Variants in MAP3K5 observed in about 807,000 individuals in gnomAD.
MAP3K5 encodes mitogen-activated protein kinase kinase kinase 5, also known as ASK-1.
A neutral mutation model predicts 158.7 loss-of-function variants in MAP3K5; 56 were observed. The ratio of observed to expected loss-of-function variants is 0.35; its 90% CI spans 0.28 to 0.44. The LOEUF (loss-of-function observed/expected upper bound fraction) is 0.44, where lower values mean the gene tolerates loss of function less well. Among genes scored for constraint, MAP3K5 ranks in the 20% least tolerant of loss-of-function variants. MAP3K5 has a pLI of 1.00. For missense variants in MAP3K5, 1,294 were observed against 1,674.8 expected, an observed-to-expected ratio of 0.77 and a Z score of 3.97; for synonymous variants, 579 against 601.7, an observed-to-expected ratio of 0.96 and a Z score of 0.55.
In MAP3K5 at chr6:136,601,807, A is replaced by G. The variant is rs749604291; in HGVS notation, c.2852T>C (p.Leu951Pro). 2 of 1,613,892 alleles carry G rather than the reference A, an allele frequency of 1.2e-6. No homozygotes were observed. The highest frequency in any genetic ancestry group is 2.2e-5 in the South Asian group (2 of 91,076). ...TCTTCAATGCAACCACATACCTGAAAGCTTAGGTTGTGTCTTTTTCTTTTT... is the reference window on the plus strand; with the variant it reads ...TCTTCAATGCAACCACATACCTGAAGGCTTAGGTTGTGTCTTTTTCTTTTT... Reference protein sequence around the residue: ...SSKKKKTQPKLSALSAGSNEY... With the variant: ...SSKKKKTQPKPSALSAGSNEY... Residue 951 changes from leucine to proline, a missense_variant, in exon 20 of 30, where the codon CTT becomes CCT. By Grantham distance (98) the Leu-to-Pro change is moderately conservative. This residue lies in a region of MAP3K5 where 362 missense variants were observed against 463.2 expected (regional missense o/e 0.78). Coordinates refer to ENST00000359015, the MANE Select transcript of MAP3K5 (RefSeq NM_005923.4).
chr6:136,607,611 G>GT (rs928691897), intron 18 of MAP3K5, among the ~76,000 whole-genome samples: 1 of 152,126 alleles, frequency 6.6e-6, no homozygotes, highest in South Asian at 2.1e-4. Flanking sequence ...GCATTCTAAA[G>GT]TTTTTTTAAA....
Position 136,637,385 on chromosome 6 carries a change from G to C in MAP3K5, c.1956C>G (p.Thr652=), listed in dbSNP as rs1202473333. 1.9e-6 allele frequency: 3 copies of C among 1,608,498 alleles called. No homozygotes were observed. Among genetic ancestry groups the C allele is most frequent in the Non-Finnish European group, 2.6e-6 (3 of 1,175,098 alleles). ...HCKKFFEMVN[T]ITEEKGRSTE... Reference sequence around the variant, plus strand: ...TGCTTCTCCCCTTCTCTTCGGTAATGGTGTTCACCATCTCAAAAAACCTAC... The same window carrying C: ...TGCTTCTCCCCTTCTCTTCGGTAATCGTGTTCACCATCTCAAAAAACCTAC... The change falls in exon 14 of 30, where the codon ACC becomes ACG. Residue 652 remains threonine (T), a synonymous_variant. Transcript: ENST00000359015.
At chr6:136,725,837 A>T (rs985323086) in intron 1 of MAP3K5, among the ~76,000 whole-genome samples, 5 of 152,198 alleles carry the variant, frequency 3.3e-5, no homozygotes, top group African/African-American at 1.2e-4. Flanking sequence ...TGTTAAATTT[A>T]AGTCTATGAA....
At chr6:136,639,896 A>C (rs1263756946) in intron 12 of MAP3K5, among the ~76,000 whole-genome samples, 2 of 152,182 alleles carry the variant, frequency 1.3e-5, no homozygotes, top group African/African-American at 4.8e-5. Context: ...TAAACTACAC[A>C]TCCTTTCAAC....
chr6:136,755,435 A>T (rs1176190185), intron 1 of MAP3K5, among the ~76,000 whole-genome samples: 1 of 152,222 alleles, frequency 6.6e-6, no homozygotes, highest in Non-Finnish European at 1.5e-5. Context: ...GCCATGGTGC[A>T]GTGGCTCATG....
intron 10 of MAP3K5, 193 bp downstream of exon 10, chr6:136,656,114 C>G: frequency 1.8e-6 from 1 of 548,588 alleles, no homozygotes; most frequent in Non-Finnish European, 3.2e-6. Context: ...AAAAATAGAT[C>G]TCATTTCTCT....
intron 21 of MAP3K5, among the ~76,000 whole-genome samples, chr6:136,600,469 T>C (rs575436152): frequency 1.3e-5 from 2 of 152,184 alleles, no homozygotes; most frequent in Admixed American, 1.3e-4. Context: ...GCTAAGACTA[T>C]AGGCGTGAAC....
intron 1 of MAP3K5, among the ~76,000 whole-genome samples, chr6:136,768,200 A>C (rs576731721): frequency 6.6e-6 from 1 of 152,380 alleles, no homozygotes; most frequent in Non-Finnish European, 1.5e-5. Context: ...GAAAAAACAG[A>C]TAAATACGGA....
At chr6:136,567,210 T>C (rs1774149181) in intron 26 of MAP3K5, among the ~76,000 whole-genome samples, 1 of 152,242 alleles carries the variant, frequency 6.6e-6, no homozygotes, top group Admixed American at 6.5e-5. Flanking sequence ...TACAAATCTT[T>C]AGCACCATTA....
chr6:136,712,381 C>T (rs776517470), intron 2 of MAP3K5, among the ~76,000 whole-genome samples: 3 of 152,006 alleles, frequency 2.0e-5, no homozygotes, highest in Non-Finnish European at 2.9e-5. Flanking sequence ...ACTATGCTGA[C>T]CAGGCTGGTC....
chr6:136,737,005 G>A (rs184179750), intron 1 of MAP3K5, among the ~76,000 whole-genome samples: 76 of 130,528 alleles, frequency 5.8e-4, no homozygotes, highest in African/African-American at 2.3e-3. Flanking sequence ...TTTTTAATGT[G>A]ACAAATTAAT....
At chr6:136,637,921 C>A (rs1377334656) in intron 13 of MAP3K5, among the ~76,000 whole-genome samples, 2 of 152,152 alleles carry the variant, frequency 1.3e-5, no homozygotes, top group Admixed American at 6.5e-5. Context: ...TTCTTACCCA[C>A]CCATCCATCC....
chr6:136,654,122 C>A (rs1266764906), intron 10 of MAP3K5, among the ~76,000 whole-genome samples: 2 of 152,204 alleles, frequency 1.3e-5, no homozygotes, highest in Non-Finnish European at 2.9e-5. Flanking sequence ...TAAGTGTTAA[C>A]ATGCTGTCAT....
At position 136,675,308 on chromosome 6, in the gene MAP3K5, T is replaced by C. The variant is rs116000647; in HGVS notation, c.1254-5913A>G. On this transcript the variant is annotated intron_variant, in intron 7 of 29. Transcript: ENST00000359015. ...CAGACAAAAATTATCAGTGAGGATATAGATTTGAATAACATTATTAGCCAA... is the reference window on the plus strand; with the variant it reads ...CAGACAAAAATTATCAGTGAGGATACAGATTTGAATAACATTATTAGCCAA... 3.3e-3 allele frequency among the ~76,000 whole-genome samples: 504 copies of C among 152,170 alleles called. 1 individual carries two copies. Among genetic ancestry groups the C allele is most frequent in the African/African-American group, 0.012 (490 of 41,560 alleles).
intron 13 of MAP3K5, among the ~76,000 whole-genome samples, chr6:136,639,039 G>A (rs1156359869): frequency 1.3e-5 from 2 of 152,042 alleles, no homozygotes; most frequent in African/African-American, 4.8e-5. Flanking sequence ...CTCTTTTATT[G>A]GTATAGATCA....
At chr6:136,682,829 G>GC (rs1248504612) in intron 7 of MAP3K5, among the ~76,000 whole-genome samples, 1 of 152,212 alleles carries the variant, frequency 6.6e-6, no homozygotes, top group East Asian at 1.9e-4. Context: ...CCTACATGGT[G>GC]CCACAATAGC....
chr6:136,586,108 G>A (rs1237956205), intron 23 of MAP3K5, among the ~76,000 whole-genome samples: 1 of 152,172 alleles, frequency 6.6e-6, no homozygotes, highest in East Asian at 1.9e-4. Flanking sequence ...AAGCTTGAAA[G>A]CTGTCATTAA....
rs147352054 is a variant in MAP3K5 at position 136,726,639 on chromosome 6, G to A, written c.449-6050C>T. On this transcript the variant is annotated intron_variant, in intron 1 of 29. Coordinates refer to ENST00000359015, the MANE Select transcript of MAP3K5 (RefSeq NM_005923.4). ...TATCTCTCCACTTACTTAGGCCGTC[G>A]TTTTTTAATTAGTATTTCATAATTT... 4.0e-3 allele frequency among the ~76,000 whole-genome samples: 602 copies of A among 151,778 alleles called. 6 individuals are homozygous for A. Among genetic ancestry groups the A allele is most frequent in the African/African-American group, 0.013 (528 of 41,416 alleles).
chr6:136,751,327 G>A (rs1355706050), intron 1 of MAP3K5, among the ~76,000 whole-genome samples: 1 of 152,182 alleles, frequency 6.6e-6, no homozygotes, highest in Non-Finnish European at 1.5e-5. Flanking sequence ...TGGCACTGCT[G>A]TAGCCCATGG....
Sources: gnomAD v4.1 joint callset for allele counts (sites outside exome capture counted in the v4.1 genomes callset) on GRCh38, gnomAD v4.1.1 for gene constraint, gnomAD v4.1.1 regional missense constraint, MANE v1.5 for transcripts, NCBI Gene and HGNC (gene_info 2026-07-23, HGNC 2026-07-21) for gene names.